The following FSTL4 variants were observed in gnomAD, a reference collection of about 807,000 sequenced individuals.
The protein encoded by FSTL4 is follistatin-related protein 4.
In FSTL4, 28 loss-of-function variants were observed where a neutral mutation model predicts 78.2. The ratio of observed to expected loss-of-function variants is 0.36; its 90% CI spans 0.27 to 0.49. FSTL4 has a LOEUF of 0.49. Among genes scored for constraint, FSTL4 ranks in the 20% least tolerant of loss-of-function variants. FSTL4 has a pLI of 0.98. For synonymous variants in FSTL4, 422 were observed against 440.5 expected, an observed-to-expected ratio of 0.96 and a Z score of 0.53; for missense variants, 922 against 1,084.9, an observed-to-expected ratio of 0.85 and a Z score of 2.11.
chr5:133,419,748 C>T (rs762100419), intron 3 of FSTL4, among the ~76,000 whole-genome samples: 10 of 152,186 alleles, frequency 6.6e-5, no homozygotes, highest in Admixed American at 2.0e-4. Flanking sequence ...AGATCCTTGC[C>T]AACACTGGCT....
chr5:133,713,935 C>G, the FSTL4 span, among the ~76,000 whole-genome samples: 1 of 152,016 alleles, frequency 6.6e-6, no homozygotes, highest in African/African-American at 2.4e-5. Context: ...GGAGCCCGGA[C>G]GCTGAACCCT....
Position 133,283,206 on chromosome 5 carries a change from G to A in FSTL4, c.727+29448C>T, listed in dbSNP as rs111523900. 3.4e-4 allele frequency among the ~76,000 whole-genome samples: 51 copies of A among 152,170 alleles called. 1 individual carries two copies. Among genetic ancestry groups the A allele is most frequent in the African/African-American group, 9.6e-4 (40 of 41,500 alleles). On this transcript the variant is annotated intron_variant, in intron 6 of 15. Transcript: ENST00000265342. ...CGTTTGCATCCTAAAGGTGTGCTGC[G>A]CTTCCTGGGGTCCTCTGGGCCTTTA...
At chr5:133,296,268 C>T (rs1177005979) in intron 6 of FSTL4, among the ~76,000 whole-genome samples, 1 of 152,228 alleles carries the variant, frequency 6.6e-6, no homozygotes, top group African/African-American at 2.4e-5. Context: ...CCAGCCTCTC[C>T]TCACCACCAT....
chr5:133,642,512 T>C, the FSTL4 span, among the ~76,000 whole-genome samples: 1 of 152,208 alleles, frequency 6.6e-6, no homozygotes, highest in African/African-American at 2.4e-5. Flanking sequence ...ACATCCATGA[T>C]ACATGATCCT....
the FSTL4 span, among the ~76,000 whole-genome samples, chr5:133,652,590 G>T: frequency 6.6e-6 from 1 of 151,832 alleles, no homozygotes; most frequent in Non-Finnish European, 1.5e-5. Flanking sequence ...TTTACTTTTT[G>T]CTTGCTTTAA....
chr5:133,602,140 T>C lies in FSTL4; in HGVS notation c.126+1718A>G, dbSNP rs556180573. On this transcript the variant is annotated intron_variant, in intron 2 of 15. Transcript: ENST00000265342. ...ACAAAAGCTATAGCAAAAAACTATA[T>C]ATATGATCAATAGGGCAATAGTTCT... Among the ~76,000 whole-genome samples the C allele has an allele frequency of 1.1e-3, 160 of 152,204 alleles. 2 individuals are homozygous for C. In the South Asian group the frequency reaches 0.032, roughly 31 times the overall value.
At chr5:133,435,659 C>T (rs1162916574) in intron 3 of FSTL4, among the ~76,000 whole-genome samples, 1 of 152,168 alleles carries the variant, frequency 6.6e-6, no homozygotes, top group Non-Finnish European at 1.5e-5. Context: ...CTAAGGTTTG[C>T]TCCTGGCCTT....
chr5:133,219,238 C>T (rs1256741712), intron 12 of FSTL4, among the ~76,000 whole-genome samples: 1 of 152,176 alleles, frequency 6.6e-6, no homozygotes, highest in Non-Finnish European at 1.5e-5. Flanking sequence ...ATCTCAGAAC[C>T]TTCTCCAGCT....
chr5:133,705,179 C>T, the FSTL4 span, among the ~76,000 whole-genome samples: 2 of 152,136 alleles, frequency 1.3e-5, no homozygotes, highest in Non-Finnish European at 2.9e-5. Flanking sequence ...TCTGCCTCAG[C>T]CTCCCAAGTA....
intron 4 of FSTL4, among the ~76,000 whole-genome samples, chr5:133,363,369 G>C (rs923176877): frequency 1.3e-5 from 2 of 151,904 alleles, no homozygotes; most frequent in African/African-American, 2.4e-5. Context: ...AGTCATTTAC[G>C]GTAGCCCCCT....
chr5:133,314,141 T>C (rs1753848427), intron 5 of FSTL4, among the ~76,000 whole-genome samples: 1 of 152,210 alleles, frequency 6.6e-6, no homozygotes, highest in Non-Finnish European at 1.5e-5. Context: ...TGATGCCACC[T>C]GCCCTTGGTG....
At chr5:133,839,791 A>G in the FSTL4 span, among the ~76,000 whole-genome samples, 1 of 152,190 alleles carries the variant, frequency 6.6e-6, no homozygotes, top group East Asian at 1.9e-4. Context: ...CCATTTTCCA[A>G]ATTAGGCTGA....
At chr5:133,527,240 G>T (rs531791366) in intron 3 of FSTL4, among the ~76,000 whole-genome samples, 47 of 152,248 alleles carry the variant, frequency 3.1e-4, no homozygotes, top group Admixed American at 1.6e-3. Context: ...GCAAATTGAG[G>T]GGTATATTTT....
intron 6 of FSTL4, among the ~76,000 whole-genome samples, chr5:133,261,670 A>G (rs1264116621): frequency 6.6e-6 from 1 of 152,100 alleles, no homozygotes; most frequent in African/African-American, 2.4e-5. Context: ...AGCCTGGCCA[A>G]CATGGTGAAA....
At chr5:133,321,434 A>G (rs9686988) in intron 4 of FSTL4, among the ~76,000 whole-genome samples, 100,719 of 152,096 alleles carry the variant, frequency 0.66, 33,664 homozygotes, top group Middle Eastern at 0.71. Flanking sequence ...CTTAGCCTTG[A>G]TCCACAGGAT....
intron 3 of FSTL4, among the ~76,000 whole-genome samples, chr5:133,501,499 A>C (rs1313454229): frequency 2.0e-5 from 3 of 152,182 alleles, no homozygotes; most frequent in African/African-American, 4.8e-5. Context: ...AACTGGAGGA[A>C]GGAGGAACAG....
chr5:133,282,540 T>G (rs563379551), intron 6 of FSTL4, among the ~76,000 whole-genome samples: 1 of 152,214 alleles, frequency 6.6e-6, no homozygotes, highest in African/African-American at 2.4e-5. Context: ...ATTTCTCCCA[T>G]ACGATTCTTC....
At chr5:133,670,815 C>T in the FSTL4 span, among the ~76,000 whole-genome samples, 2 of 152,222 alleles carry the variant, frequency 1.3e-5, no homozygotes, top group African/African-American at 4.8e-5. Context: ...GTACATTTTG[C>T]GTGTAGAAGG....
intron 3 of FSTL4, among the ~76,000 whole-genome samples, chr5:133,424,564 G>C (rs948384707): frequency 6.6e-5 from 10 of 152,192 alleles, no homozygotes; most frequent in African/African-American, 2.2e-4. Context: ...TGGTTGTGCT[G>C]TCCCACGGCG....
Sources: allele counts gnomAD v4.1 joint callset (sites outside exome capture counted in the v4.1 genomes callset), GRCh38; gene constraint gnomAD v4.1.1; transcripts MANE v1.5; gene names NCBI Gene and HGNC (gene_info 2026-07-23, HGNC 2026-07-21).